B3GAT2: variants seen among roughly 807,000 people sequenced by gnomAD.
The protein encoded by B3GAT2 is beta-1,3-glucuronyltransferase 2.
A neutral mutation model predicts 27.8 loss-of-function variants in B3GAT2; 26 were observed. The observed-to-expected ratio is 0.93, with a 90% confidence interval of 0.68 to 1.30. B3GAT2 has a LOEUF of 1.30. Ranked by LOEUF, B3GAT2 falls within the 50% of genes most tolerant of loss-of-function variation. The pLI is 0.00. For synonymous variants in B3GAT2, 218 were observed against 195.1 expected, an observed-to-expected ratio of 1.12 and a Z score of -0.98; for missense variants, 458 against 459.0, an observed-to-expected ratio of 1.00 and a Z score of 0.02.
chr6:70,881,239 G>A (rs1017748428), intron 2 of B3GAT2, among the ~76,000 whole-genome samples: 18 of 152,074 alleles, frequency 1.2e-4, no homozygotes, highest in African/African-American at 4.3e-4. Context: ...TTTATTTACA[G>A]GAATCCTTGC....
In B3GAT2 at chr6:70,858,007, G is replaced by A. The variant is rs1771508262; in HGVS notation, c.*3656C>T. 11 of 1,614,010 alleles carry A rather than the reference G, an allele frequency of 6.8e-6. No individual in the cohort carries two copies. Among genetic ancestry groups the A allele is most frequent in the Non-Finnish European group, 8.5e-6 (10 of 1,180,010 alleles). On this transcript the variant is annotated 3_prime_UTR_variant, in exon 4 of 4. Transcript: ENST00000230053. ...GCTTTCCATCGATGGGCGTGCCTGT[G>A]CCTGCAGCTCCTGGCCTTATAGGAA... is the stretch of plus-strand genomic sequence containing the variant.
In B3GAT2 at chr6:70,858,068, A is replaced by T. The variant is rs773073667; in HGVS notation, c.*3595T>A. 1 of 1,613,950 alleles carries T rather than the reference A, an allele frequency of 6.2e-7. No individual in the cohort carries two copies. Among genetic ancestry groups the T allele is most frequent in the Non-Finnish European group, 8.5e-7 (1 of 1,180,000 alleles). On this transcript the variant is annotated 3_prime_UTR_variant, in exon 4 of 4. Transcript: ENST00000230053. ...ACAGAGTCCAAGCATGATGGTGGGC[A>T]TGCCCATGCCCAATGGGTTTATGGG...
chr6:70,898,094 T>C (rs1391820268), intron 1 of B3GAT2, among the ~76,000 whole-genome samples: 1 of 152,224 alleles, frequency 6.6e-6, no homozygotes, highest in Admixed American at 6.5e-5. Flanking sequence ...TTGACTGTTA[T>C]AGATCCTTTT....
intron 1 of B3GAT2, among the ~76,000 whole-genome samples, chr6:70,906,882 G>T (rs1772610402): frequency 6.6e-6 from 1 of 152,046 alleles, no homozygotes; most frequent in South Asian, 2.1e-4. Flanking sequence ...CTGAACAAAG[G>T]TGAGTGAAAA....
intron 1 of B3GAT2, among the ~76,000 whole-genome samples, chr6:70,930,117 G>T (rs1773035425): frequency 6.6e-6 from 1 of 152,224 alleles, no homozygotes; most frequent in South Asian, 2.1e-4. Context: ...AATAAATGGT[G>T]CTGGGAAAAC....
intron 2 of B3GAT2, among the ~76,000 whole-genome samples, chr6:70,866,014 G>C (rs1349430924): frequency 6.6e-6 from 1 of 152,182 alleles, no homozygotes; most frequent in Non-Finnish European, 1.5e-5. Context: ...AGGATATGCA[G>C]GGTGGAGTAC....
At chr6:70,873,735 G>A (rs9364111) in intron 2 of B3GAT2, among the ~76,000 whole-genome samples, 9,159 of 151,306 alleles carry the variant, frequency 0.061, 800 homozygotes, top group East Asian at 0.49. Flanking sequence ...TTCATTTTTC[G>A]TCATTCTTTT....
chr6:70,947,177 A>G (rs1246089349), intron 1 of B3GAT2, among the ~76,000 whole-genome samples: 38 of 151,990 alleles, frequency 2.5e-4, no homozygotes, highest in African/African-American at 7.7e-4. Context: ...AAGAACTAGA[A>G]AAGCAAGAGC....
At chr6:70,947,830 C>A (rs1315287141) in intron 1 of B3GAT2, among the ~76,000 whole-genome samples, 3 of 152,136 alleles carry the variant, frequency 2.0e-5, no homozygotes, top group Non-Finnish European at 4.4e-5. Context: ...CAAAAATCCT[C>A]AATAAAATAC....
At chr6:70,862,046 A>C in intron 2 of B3GAT2, 68 bp from the exon 3 acceptor site, 2 of 1,459,014 alleles carry the variant, frequency 1.4e-6, no homozygotes, top group Non-Finnish European at 1.8e-6. Context: ...TTTCTGTATA[A>C]TTTTGGTCAC....
At chr6:70,922,122 G>A (rs1772880412) in intron 1 of B3GAT2, among the ~76,000 whole-genome samples, 1 of 151,830 alleles carries the variant, frequency 6.6e-6, no homozygotes, top group Non-Finnish European at 1.5e-5. Flanking sequence ...GTGGGAGCGG[G>A]GTGCCTGAAG....
chr6:70,926,818 A>G (rs1263088536), intron 1 of B3GAT2, among the ~76,000 whole-genome samples: 4 of 152,214 alleles, frequency 2.6e-5, no homozygotes, highest in Non-Finnish European at 5.9e-5. Flanking sequence ...TTCAGGAAAT[A>G]CACAGAACGC....
At chr6:70,866,864 A>G (rs888528337) in intron 2 of B3GAT2, among the ~76,000 whole-genome samples, 3 of 152,234 alleles carry the variant, frequency 2.0e-5, no homozygotes, top group Admixed American at 1.3e-4. Flanking sequence ...GCAGAATACA[A>G]TCTTTTAAAG....
chr6:70,950,548 T>C (rs541339690), intron 1 of B3GAT2, among the ~76,000 whole-genome samples: 1 of 152,290 alleles, frequency 6.6e-6, no homozygotes, highest in South Asian at 2.1e-4. Context: ...CCAGGGCACC[T>C]GGGTTCAAAA....
At chr6:70,879,284 C>T (rs1772062785) in intron 2 of B3GAT2, among the ~76,000 whole-genome samples, 3 of 152,128 alleles carry the variant, frequency 2.0e-5, no homozygotes, top group Admixed American at 6.6e-5. Flanking sequence ...ACAAAAAATC[C>T]TAGGATCCAT....
rs1178181985 is a variant in B3GAT2 at position 70,860,071 on chromosome 6, ACT to A, written c.*1590_*1591del. On this transcript the variant is annotated 3_prime_UTR_variant, in exon 4 of 4. Transcript: ENST00000230053. ...TTGCTTTAAGAAATATTTGTATGGT[ACT>A]CTGTTTTTATTCCAGTGCTTGGACT... 3.0e-6 allele frequency: 3 copies of A among 1,006,086 alleles called. No individual in the cohort carries two copies. The highest frequency in any genetic ancestry group is 2.1e-5 in the South Asian group (1 of 47,790). The allele number at this position is 1,006,086 out of a possible 1,614,324, so 62.3% of individuals were successfully genotyped here.
At chr6:70,864,889 T>TG (rs1305299395) in intron 2 of B3GAT2, among the ~76,000 whole-genome samples, 2 of 152,084 alleles carry the variant, frequency 1.3e-5, no homozygotes, top group Non-Finnish European at 2.9e-5. Context: ...ACTTTGGAGA[T>TG]GCTTACGAAA....
At chr6:70,900,521 T>C (rs1358675557) in intron 1 of B3GAT2, among the ~76,000 whole-genome samples, 1 of 152,150 alleles carries the variant, frequency 6.6e-6, no homozygotes, top group African/African-American at 2.4e-5. Context: ...TCTGAGTAGC[T>C]AAGATTACAG....
rs896041633 is a variant in B3GAT2, at chr6:70,860,404, G to T, written c.*1259C>A. The T allele has an allele frequency of 5.9e-6, 9 of 1,525,536 alleles. No individual in the cohort carries two copies. The African/African-American group carries it at 1.3e-4, about 21-fold the overall frequency. 94.5% of individuals were successfully genotyped at this position (1,525,536 alleles called of 1,614,324 possible). ...TTGCTGAAACGCATCTAGTTCCCCT[G>T]TTTATTCATATGCATATTTTTTTTC... On this transcript the variant is annotated 3_prime_UTR_variant, in exon 4 of 4. Coordinates refer to ENST00000230053, the MANE Select transcript of B3GAT2 (RefSeq NM_080742.3).
Sources: gnomAD v4.1 joint callset for allele counts (sites outside exome capture counted in the v4.1 genomes callset) on GRCh38, gnomAD v4.1.1 for gene constraint, MANE v1.5 for transcripts, NCBI Gene and HGNC (gene_info 2026-07-23, HGNC 2026-07-21) for gene names.